TBC1D2B: variants seen among roughly 807,000 people sequenced by gnomAD.
TBC1D2B encodes TBC1 domain family, member 2B.
Under a neutral mutation model 100.8 loss-of-function variants are expected in TBC1D2B, and 64 were observed. That is an observed-to-expected ratio of 0.64 (90% CI 0.52 to 0.78). TBC1D2B has a LOEUF of 0.78. TBC1D2B is among the 30% of genes least tolerant of loss of function. TBC1D2B has a pLI of 0.00. For synonymous variants in TBC1D2B, 480 were observed against 479.7 expected (o/e 1.00, Z -0.01); for missense variants, 1,052 against 1,218.4 (o/e 0.86, Z 2.03).
intron 1 of TBC1D2B, among the ~76,000 whole-genome samples, chr15:78,058,763 C>A (rs1037869291): frequency 6.6e-6 from 1 of 152,188 alleles, no homozygotes; most frequent in African/African-American, 2.4e-5. Context: ...GTCCCAAGTT[C>A]TGGAGAGCCA....
intron 4 of TBC1D2B, among the ~76,000 whole-genome samples, chr15:78,026,962 T>G (rs75683065): frequency 0.054 from 8,186 of 151,170 alleles, 281 homozygotes; most frequent in Middle Eastern, 0.13. Flanking sequence ...GGTATGTACC[T>G]GTGGTCCCAG....
intron 1 of TBC1D2B, among the ~76,000 whole-genome samples, chr15:78,072,143 A>C (rs1160519866): frequency 6.6e-6 from 1 of 152,200 alleles, no homozygotes; most frequent in African/African-American, 2.4e-5. Flanking sequence ...TCAGGAACAC[A>C]AACACTAGTT....
At chr15:78,036,033 ATG>A (rs1244036879) in intron 3 of TBC1D2B, among the ~76,000 whole-genome samples, 4 of 152,208 alleles carry the variant, frequency 2.6e-5, no homozygotes, top group African/African-American at 9.6e-5. Context: ...CAGATAAGCC[ATG>A]TCTGAGCGAA....
At chr15:78,009,347 C>T (rs1277422112) in intron 9 of TBC1D2B, among the ~76,000 whole-genome samples, 1 of 151,976 alleles carries the variant, frequency 6.6e-6, no homozygotes, top group Non-Finnish European at 1.5e-5. Context: ...CCAGCCTGGG[C>T]AACATAGCAA....
chr15:78,029,803 C>T (rs774217290), intron 4 of TBC1D2B, among the ~76,000 whole-genome samples: 1 of 152,186 alleles, frequency 6.6e-6, no homozygotes, highest in Non-Finnish European at 1.5e-5. Context: ...AAAACTGAGC[C>T]ATTGGACTAG....
At chr15:78,017,826 A>G in intron 7 of TBC1D2B, 21 bp downstream of exon 7, 1 of 1,512,532 alleles carries the variant, frequency 6.6e-7, no homozygotes, top group Non-Finnish European at 9.1e-7. Context: ...CAGGTAATAG[A>G]ATCCACCTAT....
intron 6 of TBC1D2B, among the ~76,000 whole-genome samples, chr15:78,019,692 A>T (rs2072465570): frequency 6.6e-6 from 1 of 151,664 alleles, no homozygotes; most frequent in African/African-American, 2.4e-5. Flanking sequence ...GTTTGAGACC[A>T]GCCTGGCTAA....
rs2073852355 is a variant in TBC1D2B at position 78,077,584 on chromosome 15, GGCCGCCCCCTGCGCCGCGCCCTC to G, written c.46_68del (p.Glu16ArgfsTer120). On this transcript the variant is annotated frameshift_variant, in exon 1 of 13. Coordinates refer to ENST00000300584, the MANE Select transcript of TBC1D2B (RefSeq NM_144572.2). LOFTEE classifies it high-confidence loss of function. ...GCGCCGGACCCGCCCCGGGCTCCGC[GGCCGCCCCCTGCGCCGCGCCCTC>G]GCCGCCGCCGCCGCCCTCCTCCGCC... 1.2e-5 allele frequency: 16 copies of G among 1,326,826 alleles called. No individual in the cohort carries two copies. Among genetic ancestry groups the G allele is most frequent in the South Asian group, 1.8e-5 (1 of 54,892 alleles). The allele number at this position is 1,326,826 out of a possible 1,614,324, so 82.2% of individuals were successfully genotyped here.
chr15:78,077,357 T>C lies in TBC1D2B; in HGVS notation c.296A>G (p.Glu99Gly). ...FSYQGPDEAA[E>G]PGTEPPAHFQ... ...GTGCGCGGGCGGCTCCGTGCCCGGC[T>C]CCGCCGCCTCGTCGGGGCCCTGGTA... Residue 99 changes from glutamate (E) to glycine (G), a missense_variant, in exon 1 of 13, where the codon GAG (glutamate) becomes GGG (glycine). By Grantham distance (98) the Glu-to-Gly change is moderately conservative (BLOSUM62 -2). Around this residue, in one of 4 missense-constraint regions of TBC1D2B, gnomAD observed 627 missense variants for 646.1 expected, o/e 0.97. Coordinates refer to ENST00000300584, the MANE Select transcript of TBC1D2B (RefSeq NM_144572.2). 6.5e-7 allele frequency: 1 copy of C among 1,539,078 alleles called. No homozygotes were observed. Among genetic ancestry groups the C allele is most frequent in the South Asian group, 1.2e-5 (1 of 82,942 alleles).
intron 1 of TBC1D2B, among the ~76,000 whole-genome samples, chr15:78,072,178 A>G (rs2073751675): frequency 6.6e-6 from 1 of 152,186 alleles, no homozygotes; most frequent in Non-Finnish European, 1.5e-5. Context: ...TTTGTGCCAG[A>G]TACTGTTGCA....
At chr15:78,020,866 G>A (rs1388170487) in intron 6 of TBC1D2B, among the ~76,000 whole-genome samples, 2 of 152,194 alleles carry the variant, frequency 1.3e-5, no homozygotes, top group African/African-American at 4.8e-5. Flanking sequence ...TGTAGGCACG[G>A]AGGTATTCAT....
chr15:78,032,119 C>T (rs2072830736), intron 3 of TBC1D2B, among the ~76,000 whole-genome samples: 1 of 152,086 alleles, frequency 6.6e-6, no homozygotes, highest in Non-Finnish European at 1.5e-5. Flanking sequence ...ATTGTGGCTT[C>T]GATGTAAGAA....
At chr15:78,054,939 G>A (rs1020232717) in intron 1 of TBC1D2B, among the ~76,000 whole-genome samples, 2 of 152,030 alleles carry the variant, frequency 1.3e-5, no homozygotes, top group African/African-American at 4.8e-5. Flanking sequence ...AACTTTGTCT[G>A]GAGAAAGGAT....
intron 1 of TBC1D2B, among the ~76,000 whole-genome samples, chr15:78,062,234 G>T (rs1474429705): frequency 6.6e-6 from 1 of 152,188 alleles, no homozygotes; most frequent in Non-Finnish European, 1.5e-5. Flanking sequence ...CTCTTGGAAG[G>T]TAAAGGGCTT....
At chr15:78,015,147 G>A (rs2072337580) in intron 8 of TBC1D2B, among the ~76,000 whole-genome samples, 2 of 152,132 alleles carry the variant, frequency 1.3e-5, no homozygotes, top group South Asian at 4.1e-4. Context: ...CTTGCAGTGA[G>A]CTAAGATTGT....
At chr15:78,069,773 T>C (rs978639437) in intron 1 of TBC1D2B, among the ~76,000 whole-genome samples, 1 of 152,208 alleles carries the variant, frequency 6.6e-6, no homozygotes, top group African/African-American at 2.4e-5. Context: ...CATACATAGA[T>C]GGAGGCCCCA....
At chr15:78,031,554 CA>C (rs1225713046) in intron 3 of TBC1D2B, among the ~76,000 whole-genome samples, 24 of 54,902 alleles carry the variant, frequency 4.4e-4, no homozygotes, top group East Asian at 2.1e-3. Context: ...ACTCTGTCTC[CA>C]AAAAAAAAAA....
intron 9 of TBC1D2B, among the ~76,000 whole-genome samples, chr15:78,011,267 A>C (rs2072215827): frequency 6.6e-6 from 1 of 152,072 alleles, no homozygotes; most frequent in Non-Finnish European, 1.5e-5. Flanking sequence ...TCCAGCTTAA[A>C]ATCCTTTCTT....
intron 1 of TBC1D2B, among the ~76,000 whole-genome samples, chr15:78,060,773 C>T (rs1045630395): frequency 2.0e-5 from 3 of 151,678 alleles, no homozygotes; most frequent in African/African-American, 7.3e-5. Flanking sequence ...CAAAATTAGC[C>T]AGGTGTGGTG....
Sources: allele counts gnomAD v4.1 joint callset (sites outside exome capture counted in the v4.1 genomes callset), GRCh38; gene constraint gnomAD v4.1.1; regional missense constraint gnomAD v4.1.1; transcripts MANE v1.5; gene names NCBI Gene and HGNC (gene_info 2026-07-23, HGNC 2026-07-21).